ANK2: variants seen among roughly 807,000 people sequenced by gnomAD.
The protein encoded by ANK2 is ankyrin 2, also known as ankyrin-2.
A neutral mutation model predicts 360.5 loss-of-function variants in ANK2; 83 were observed. That is an observed-to-expected ratio of 0.23 (90% CI 0.19 to 0.28). The LOEUF (loss-of-function observed/expected upper bound fraction) is 0.28. Ranked by LOEUF, ANK2 falls within the 10% of genes least tolerant of loss-of-function variation. ANK2 has a pLI of 1.00. For missense variants in ANK2, 4,201 were observed against 4,795.7 expected (o/e 0.88, Z 3.66); for synonymous variants, 1,740 against 1,759.5 (o/e 0.99, Z 0.28).
At chr4:112,804,169 C>T in the ANK2 span, among the ~76,000 whole-genome samples, 1 of 152,140 alleles carries the variant, frequency 6.6e-6, no homozygotes, top group Non-Finnish European at 1.5e-5. Flanking sequence ...CAGGCGCCTG[C>T]CACCATGCCT....
At chr4:113,044,891 G>C (rs2063877762), upstream of ANK2, among the ~76,000 whole-genome samples, 1 of 151,996 alleles carries the variant, frequency 6.6e-6, no homozygotes, top group African/African-American at 2.4e-5. Flanking sequence ...CAGTAGTCTA[G>C]CTATGTGTCC....
At chr4:112,716,189 C>T in the ANK2 span, among the ~76,000 whole-genome samples, 4 of 152,108 alleles carry the variant, frequency 2.6e-5, no homozygotes, top group Non-Finnish European at 5.9e-5. Flanking sequence ...TATAATCTGG[C>T]TAAACTTTAG....
At chr4:113,213,522 C>T (rs572119836) in intron 4 of ANK2, among the ~76,000 whole-genome samples, 13 of 152,112 alleles carry the variant, frequency 8.5e-5, no homozygotes, top group Non-Finnish European at 1.6e-4. Context: ...TTTTATGGGT[C>T]AGTGTAGTGT....
At chr4:113,372,758 T>C in intron 43 of ANK2, 1 of 672,710 alleles carries the variant, frequency 1.5e-6, no homozygotes, top group Non-Finnish European at 2.5e-6. Context: ...ATCCCTTAAC[T>C]CTCATAAGTT....
At chr4:113,314,105 A>G (rs1408552810) in intron 24 of ANK2, among the ~76,000 whole-genome samples, 3 of 152,208 alleles carry the variant, frequency 2.0e-5, no homozygotes, top group African/African-American at 7.2e-5. Flanking sequence ...GAATACAAAT[A>G]CATACAATTT....
intron 2 of ANK2, among the ~76,000 whole-genome samples, chr4:112,991,236 C>CAAAA (rs10687542): frequency 0.016 from 1,999 of 122,064 alleles, 58 homozygotes; most frequent in African/African-American, 0.036. Flanking sequence ...GACAGAGCCT[C>CAAAA]AAAAAAAAAA....
intron 1 of ANK2, among the ~76,000 whole-genome samples, chr4:112,847,210 T>A (rs900053503): frequency 3.3e-4 from 50 of 152,196 alleles, no homozygotes; most frequent in Non-Finnish European, 1.5e-4. Flanking sequence ...TGCTTTGTGA[T>A]GTCTTCTGTG....
intron 1 of ANK2, among the ~76,000 whole-genome samples, chr4:112,822,451 A>T (rs2149539061): frequency 1.3e-5 from 2 of 151,608 alleles, no homozygotes; most frequent in East Asian, 3.9e-4. Flanking sequence ...ACAACAACAA[A>T]AAACCATTTC....
chr4:113,373,637 A>G (rs1467001944), intron 45 of ANK2, 188 bp downstream of exon 45: 1 of 771,662 alleles, frequency 1.3e-6, no homozygotes, highest in Non-Finnish European at 2.4e-6. Flanking sequence ...CATCAGGGAG[A>G]CTTGTAGGCA....
chr4:113,044,067 C>G (rs1007842294), intron 2 of ANK2, among the ~76,000 whole-genome samples: 1 of 152,088 alleles, frequency 6.6e-6, no homozygotes, highest in Non-Finnish European at 1.5e-5. Context: ...ATGGGAGTAT[C>G]GTTCACATAA....
At chr4:113,148,080 C>T (rs553174485) in intron 1 of ANK2, among the ~76,000 whole-genome samples, 68 of 152,260 alleles carry the variant, frequency 4.5e-4, no homozygotes, top group African/African-American at 1.4e-3. Flanking sequence ...AGCTCTGACA[C>T]AAGTCAGCAA....
At chr4:113,073,176 G>T (rs2078439936) in intron 1 of ANK2, among the ~76,000 whole-genome samples, 2 of 151,640 alleles carry the variant, frequency 1.3e-5, no homozygotes, top group Admixed American at 6.6e-5. Flanking sequence ...TGGCCAGGCT[G>T]GTCTCCTGAC....
intron 1 of ANK2, among the ~76,000 whole-genome samples, chr4:113,137,255 T>C (rs550133245): frequency 6.6e-6 from 1 of 152,352 alleles, no homozygotes; most frequent in Non-Finnish European, 1.5e-5. Context: ...CTAGAACCAG[T>C]AAACTCTTTA....
chr4:112,795,844 G>T, the ANK2 span, among the ~76,000 whole-genome samples: 1 of 147,262 alleles, frequency 6.8e-6, no homozygotes. Flanking sequence ...TGTTGCCCAG[G>T]CTGGAGTGCA....
At chr4:112,961,697 T>A (rs1311715252) in intron 2 of ANK2, among the ~76,000 whole-genome samples, 2 of 152,182 alleles carry the variant, frequency 1.3e-5, no homozygotes, top group South Asian at 4.1e-4. Context: ...TGGTCCACTT[T>A]TAGTTAGCAG....
At chr4:112,982,637 A>AT (rs2043453705) in intron 2 of ANK2, among the ~76,000 whole-genome samples, 1 of 152,222 alleles carries the variant, frequency 6.6e-6, no homozygotes, top group Admixed American at 6.5e-5. Context: ...CTAACAAGAG[A>AT]TTAGAAGATT....
At chr4:113,095,438 G>A (rs2090580073) in intron 1 of ANK2, among the ~76,000 whole-genome samples, 1 of 152,064 alleles carries the variant, frequency 6.6e-6, no homozygotes, top group Non-Finnish European at 1.5e-5. Flanking sequence ...TTTTGATTTG[G>A]AGTCATTTTA....
intron 1 of ANK2, among the ~76,000 whole-genome samples, chr4:113,110,718 G>A (rs2154365428): frequency 6.6e-6 from 1 of 152,228 alleles, no homozygotes; most frequent in Non-Finnish European, 1.5e-5. Context: ...GAGTGGCTGT[G>A]CTATTGAAAC....
intron 1 of ANK2, among the ~76,000 whole-genome samples, chr4:113,158,928 G>A (rs1382008604): frequency 6.6e-6 from 1 of 152,036 alleles, no homozygotes; most frequent in Admixed American, 6.6e-5. Flanking sequence ...GATTTTTGAA[G>A]TTTATTTTTT....
Sources: allele counts gnomAD v4.1 joint callset (sites outside exome capture counted in the v4.1 genomes callset), GRCh38; gene constraint gnomAD v4.1.1; transcripts MANE v1.5; gene names NCBI Gene and HGNC (gene_info 2026-07-23, HGNC 2026-07-21).